The following DENND11 variants were observed in gnomAD, a reference collection of about 807,000 sequenced individuals.
DENND11 encodes DENN domain-containing protein 11.
DENND11 carries 34 observed loss-of-function variants against 49.2 expected under a neutral mutation model. That is an observed-to-expected ratio of 0.69 (90% CI 0.53 to 0.92). DENND11 has a LOEUF of 0.92. DENND11 is among the 40% of genes least tolerant of loss of function. DENND11 has a pLI of 0.00. For missense variants in DENND11, 475 were observed against 581.6 expected (o/e 0.82, Z 1.88); for synonymous variants, 238 against 230.3 (o/e 1.03, Z -0.30).
intron 1 of DENND11, among the ~76,000 whole-genome samples, chr7:141,690,403 T>C (rs947465195): frequency 6.6e-6 from 1 of 152,164 alleles, no homozygotes; most frequent in Non-Finnish European, 1.5e-5. Context: ...CTCCTCCTCC[T>C]CCTCTTGTTC....
At chr7:141,673,148 T>C (rs76300408) in intron 4 of DENND11, among the ~76,000 whole-genome samples, 332 of 152,310 alleles carry the variant, frequency 2.2e-3, no homozygotes, top group Middle Eastern at 6.8e-3. Flanking sequence ...TAGACCTCTG[T>C]TTAAATCTTA....
At chr7:141,673,121 T>C (rs965780161) in intron 4 of DENND11, among the ~76,000 whole-genome samples, 1 of 152,206 alleles carries the variant, frequency 6.6e-6, no homozygotes, top group African/African-American at 2.4e-5. Flanking sequence ...GCAGGAAACA[T>C]GCACTGGCTG....
chr7:141,664,796 G>A (rs191202485), intron 7 of DENND11, 108 bp downstream of exon 7: 3 of 1,267,936 alleles, frequency 2.4e-6, no homozygotes, highest in African/African-American at 3.0e-5. Flanking sequence ...ATGGAGACTG[G>A]GAGAAATGTG....
At chr7:141,695,896 C>T (rs914305872) in intron 1 of DENND11, among the ~76,000 whole-genome samples, 10 of 152,200 alleles carry the variant, frequency 6.6e-5, no homozygotes, top group African/African-American at 2.2e-4. Context: ...CACATGACCA[C>T]GGGAGGCACA....
chr7:141,663,389 G>C (rs1237357106), intron 8 of DENND11: 1 of 152,462 alleles, frequency 6.6e-6, no homozygotes, highest in Non-Finnish European at 1.5e-5. Flanking sequence ...AGTTAGACTA[G>C]ACAGTCCAGC....
intron 3 of DENND11, among the ~76,000 whole-genome samples, chr7:141,677,485 A>T (rs1023765601): frequency 1.5e-5 from 2 of 137,482 alleles, no homozygotes; most frequent in Admixed American, 7.5e-5. Flanking sequence ...ATATATATTT[A>T]TATGTGTGTG....
Position 141,682,945 on chromosome 7 carries a change from C to A in DENND11, c.527+2533G>T, listed in dbSNP as rs566984438. Among the ~76,000 whole-genome samples, 18 of 143,940 alleles carry A rather than the reference C, an allele frequency of 1.3e-4. No homozygotes were observed. The East Asian group carries it at 3.4e-3, about 27-fold the overall frequency. The allele number at this position is 143,940 out of a possible 152,430, so 94.4% of individuals were successfully genotyped here. A position where few individuals can be genotyped will look rare whatever the true frequency, so the allele number is the denominator to read the frequency against. On this transcript the variant is annotated intron_variant, in intron 3 of 8. Coordinates refer to ENST00000536163, the MANE Select transcript of DENND11 (RefSeq NM_001080392.2). ...TTTTTAGAACTTCATAATATTACTT[C>A]TGAGACAAAAAAAAAAAAAACTGAG...
At position 141,669,650 on chromosome 7, in the gene DENND11, CTTAAAGATA is replaced by C. The variant is rs531565087; in HGVS notation, c.682-3234_682-3226del. Reference sequence around the variant, plus strand: ...TAAAGTTTTATATTTCAATAAAAAGCTTAAAGATATATATATATTATTTTCCATACATGA... The same window carrying C: ...TAAAGTTTTATATTTCAATAAAAAGCTATATATATTATTTTCCATACATGA... On this transcript the variant is annotated intron_variant, in intron 4 of 8. Transcript: ENST00000536163. Among the ~76,000 whole-genome samples the C allele has an allele frequency of 4.0e-3, 605 of 151,850 alleles. 4 individuals carry two copies. The highest frequency in any genetic ancestry group is 0.014 in the African/African-American group (562 of 41,426).
intron 1 of DENND11, among the ~76,000 whole-genome samples, chr7:141,689,984 C>G (rs1421858211): frequency 5.3e-5 from 8 of 152,234 alleles, no homozygotes; most frequent in Non-Finnish European, 1.2e-4. Context: ...TATTTGCCAT[C>G]TGCTGAAATA....
At chr7:141,695,861 C>A (rs528428509) in intron 1 of DENND11, among the ~76,000 whole-genome samples, 1 of 152,316 alleles carries the variant, frequency 6.6e-6, no homozygotes, top group South Asian at 2.1e-4. Context: ...GCCTCTACTG[C>A]AAAGACAACT....
intron 4 of DENND11, among the ~76,000 whole-genome samples, chr7:141,671,121 C>T (rs1031415335): frequency 2.0e-4 from 31 of 152,270 alleles, no homozygotes; most frequent in Admixed American, 1.2e-3. Context: ...GTTACACATA[C>T]GTCATTCTGA....
chr7:141,699,997 T>TG (rs1392487311), intron 1 of DENND11, among the ~76,000 whole-genome samples: 2 of 152,104 alleles, frequency 1.3e-5, no homozygotes, highest in Non-Finnish European at 1.5e-5. Context: ...TGACAAGGAA[T>TG]GGGGGCAGGT....
At chr7:141,687,502 C>T (rs1403370216) in intron 1 of DENND11, among the ~76,000 whole-genome samples, 2 of 151,184 alleles carry the variant, frequency 1.3e-5, no homozygotes, top group South Asian at 2.1e-4. Flanking sequence ...TTCACTTTGT[C>T]GCCCAGGCTG....
At chr7:141,672,707 T>A (rs1798001986) in intron 4 of DENND11, among the ~76,000 whole-genome samples, 1 of 152,250 alleles carries the variant, frequency 6.6e-6, no homozygotes, top group African/African-American at 2.4e-5. Flanking sequence ...AATAAATATG[T>A]ACTGTTTTAA....
Position 141,660,359 on chromosome 7 carries a change from C to G in DENND11, c.*2297G>C, listed in dbSNP as rs924477303. On this transcript the variant is annotated 3_prime_UTR_variant, in exon 9 of 9. Coordinates refer to ENST00000536163, the MANE Select transcript of DENND11 (RefSeq NM_001080392.2). ...CTGGCACGTTCTCCTCTGGGGCCAC[C>G]CATACCCTGGCCCTCTGCATGAGCA... The G allele has an allele frequency of 6.6e-6, 1 of 152,216 alleles. No individual in the cohort carries two copies. The highest frequency in any genetic ancestry group is 1.5e-5 in the Non-Finnish European group (1 of 68,076). The allele number at this position is 152,216 out of a possible 1,614,324, so 9.4% of individuals were successfully genotyped here.
At chr7:141,694,478 C>T (rs1267554649) in intron 1 of DENND11, among the ~76,000 whole-genome samples, 1 of 152,134 alleles carries the variant, frequency 6.6e-6, no homozygotes, top group African/African-American at 2.4e-5. Flanking sequence ...CCAGGCTGGT[C>T]TTGAACTCCT....
chr7:141,674,761 A>G (rs71545337), intron 3 of DENND11, among the ~76,000 whole-genome samples: 1 of 152,204 alleles, frequency 6.6e-6, no homozygotes, highest in African/African-American at 2.4e-5. Context: ...TGCATCAAGT[A>G]TAATAATAAA....
At chr7:141,675,610 A>C (rs1211640425) in intron 3 of DENND11, among the ~76,000 whole-genome samples, 1 of 152,146 alleles carries the variant, frequency 6.6e-6, no homozygotes, top group Non-Finnish European at 1.5e-5. Flanking sequence ...CCGCTGCCAC[A>C]CCGCCTCTGC....
At chr7:141,683,765 G>T (rs1016988798) in intron 3 of DENND11, among the ~76,000 whole-genome samples, 5 of 152,174 alleles carry the variant, frequency 3.3e-5, no homozygotes, top group African/African-American at 1.2e-4. Context: ...ACTAATTTCA[G>T]ATAACAGTAG....
Sources: gnomAD v4.1 joint callset for allele counts (sites outside exome capture counted in the v4.1 genomes callset) on GRCh38, gnomAD v4.1.1 for gene constraint, MANE v1.5 for transcripts, NCBI Gene and HGNC (gene_info 2026-07-23, HGNC 2026-07-21) for gene names.